The following CCDC73 variants were observed in gnomAD, a reference collection of about 807,000 sequenced individuals.
The protein encoded by CCDC73 is coiled-coil domain-containing protein 73.
Under a neutral mutation model 116.5 loss-of-function variants are expected in CCDC73, and 95 were observed. That is an observed-to-expected ratio of 0.82 (90% confidence interval 0.69 to 0.97). CCDC73 has a LOEUF of 0.97. Ranked by LOEUF, CCDC73 falls within the 50% of genes least tolerant of loss-of-function variation. The pLI is 0.00. For synonymous variants in CCDC73, 398 were observed against 401.3 expected (o/e 0.99, Z 0.10); for missense variants, 1,066 against 1,206.8 (o/e 0.88, Z 1.73).
chr11:32,631,204 T>C (rs12284281), intron 14 of CCDC73, among the ~76,000 whole-genome samples: 60 of 152,332 alleles, frequency 3.9e-4, no homozygotes, highest in African/African-American at 1.2e-3. Context: ...TCTGTAAGGA[T>C]AGAGAAGACT....
intron 9 of CCDC73, among the ~76,000 whole-genome samples, chr11:32,662,441 A>G (rs1218174763): frequency 6.6e-6 from 1 of 151,986 alleles, no homozygotes. Context: ...GCCAGTGATG[A>G]TGAGCATTTT....
chr11:32,714,962 C>A (rs1849931864), intron 3 of CCDC73, among the ~76,000 whole-genome samples: 1 of 152,048 alleles, frequency 6.6e-6, no homozygotes, highest in South Asian at 2.1e-4. Flanking sequence ...TACACTATAA[C>A]AAAGTTGAAT....
Position 32,656,947 on chromosome 11 carries a change from G to A in CCDC73, c.646-1975C>T, listed in dbSNP as rs547302752. ...ATGTGATTAGTATTTTCTATTTTTC[G>A]TAAAATAAAAACATTTTTTGTAGTT... On this transcript the variant is annotated intron_variant, in intron 9 of 17. Transcript: ENST00000335185. Among the ~76,000 whole-genome samples the A allele has an allele frequency of 1.4e-4, 21 of 152,024 alleles. 4 individuals carry two copies. The highest frequency in any genetic ancestry group is 4.1e-4 in the African/African-American group (17 of 41,474).
intron 9 of CCDC73, among the ~76,000 whole-genome samples, chr11:32,667,277 C>T: frequency 6.7e-6 from 1 of 149,900 alleles, no homozygotes; most frequent in Non-Finnish European, 1.5e-5. Flanking sequence ...TCTACAGAGG[C>T]AGGCAGGCCT....
chr11:32,700,493 T>C (rs1849802269), intron 5 of CCDC73, among the ~76,000 whole-genome samples: 1 of 152,214 alleles, frequency 6.6e-6, no homozygotes, highest in Non-Finnish European at 1.5e-5. Context: ...ATTTGGGGCC[T>C]GAAGAGATCT....
intron 1 of CCDC73, among the ~76,000 whole-genome samples, chr11:32,767,899 T>C (rs1387216749): frequency 6.6e-6 from 1 of 152,214 alleles, no homozygotes; most frequent in Non-Finnish European, 1.5e-5. Flanking sequence ...TCAACCATTG[T>C]GGAAGTCAGT....
chr11:32,769,167 T>C (rs1258249755), intron 1 of CCDC73, among the ~76,000 whole-genome samples: 2 of 152,220 alleles, frequency 1.3e-5, no homozygotes, highest in African/African-American at 4.8e-5. Context: ...GTTGAAGATA[T>C]ACACCCTTTA....
chr11:32,773,385 C>T (rs1850507096), intron 1 of CCDC73, among the ~76,000 whole-genome samples: 1 of 151,948 alleles, frequency 6.6e-6, no homozygotes. Context: ...TGTGAATATA[C>T]CAAAAATTAT....
the CCDC73 span, among the ~76,000 whole-genome samples, chr11:32,812,047 G>T: frequency 6.6e-6 from 1 of 151,928 alleles, no homozygotes; most frequent in African/African-American, 2.4e-5. Context: ...CAGTTGCTGA[G>T]TGGTAAGTTA....
At chr11:32,772,541 A>C (rs1401990382) in intron 1 of CCDC73, among the ~76,000 whole-genome samples, 2 of 152,206 alleles carry the variant, frequency 1.3e-5, no homozygotes, top group Non-Finnish European at 2.9e-5. Context: ...TAGATTTCTT[A>C]GATGGCTATA....
intron 9 of CCDC73, among the ~76,000 whole-genome samples, chr11:32,658,306 G>C (rs1296417279): frequency 6.6e-6 from 1 of 151,984 alleles, no homozygotes; most frequent in Non-Finnish European, 1.5e-5. Flanking sequence ...CTCTTTCCTG[G>C]TCCAACCCTG....
At chr11:32,678,894 A>AT (rs1856117765) in intron 7 of CCDC73, among the ~76,000 whole-genome samples, 5 of 124,422 alleles carry the variant, frequency 4.0e-5, no homozygotes, top group East Asian at 3.6e-4. Context: ...AAAAAAAAAA[A>AT]AAAATATATA....
chr11:32,825,754 G>A, the CCDC73 span, among the ~76,000 whole-genome samples: 1 of 152,100 alleles, frequency 6.6e-6, no homozygotes, highest in Admixed American at 6.6e-5. Context: ...ACTTGAATAT[G>A]AGTTCACAAA....
chr11:32,760,474 G>C (rs542738361), intron 1 of CCDC73, among the ~76,000 whole-genome samples: 10 of 152,282 alleles, frequency 6.6e-5, no homozygotes, highest in African/African-American at 2.2e-4. Context: ...TTTTCTGGTA[G>C]CTGAGTACCC....
At chr11:32,666,698 G>A (rs991962787) in intron 9 of CCDC73, among the ~76,000 whole-genome samples, 1 of 152,222 alleles carries the variant, frequency 6.6e-6, no homozygotes, top group African/African-American at 2.4e-5. Flanking sequence ...TCCATTGCTG[G>A]CGAGGAGCTG....
rs562410640 is a variant in CCDC73 at position 32,673,257 on chromosome 11, G to A, written c.645+2308C>T. The stretch of plus-strand genomic sequence containing the variant: ...CAAAATGACCAACATCCAAAACACT[G>A]ACAACACCAAATGCTAGTGAGGATG... On this transcript the variant is annotated intron_variant, in intron 9 of 17. Transcript: ENST00000335185. Among the ~76,000 whole-genome samples, 3 of 152,172 alleles carry A rather than the reference G, an allele frequency of 2.0e-5. No individual in the cohort carries two copies. The East Asian group carries it at 5.8e-4, about 29-fold the overall frequency.
the CCDC73 span, among the ~76,000 whole-genome samples, chr11:32,816,110 GGAA>G: frequency 6.6e-6 from 1 of 152,132 alleles, no homozygotes; most frequent in Non-Finnish European, 1.5e-5. Flanking sequence ...AAGACTAGAG[GGAA>G]GAAGATGAGG....
chr11:32,759,816 T>C (rs976500147), intron 2 of CCDC73, among the ~76,000 whole-genome samples: 2 of 152,252 alleles, frequency 1.3e-5, no homozygotes, highest in African/African-American at 2.4e-5. Context: ...CAGCCATGTG[T>C]CTAAAGAGGG....
chr11:32,824,226 A>G, the CCDC73 span, among the ~76,000 whole-genome samples: 1 of 152,174 alleles, frequency 6.6e-6, no homozygotes. Flanking sequence ...TTTGTCACAT[A>G]GAGATTTCCC....
Sources: allele counts gnomAD v4.1 joint callset (sites outside exome capture counted in the v4.1 genomes callset), GRCh38; gene constraint gnomAD v4.1.1; transcripts MANE v1.5; gene names NCBI Gene and HGNC (gene_info 2026-07-23, HGNC 2026-07-21).